KATNAL2: variants seen among roughly 807,000 people sequenced by gnomAD.
KATNAL2 encodes katanin catalytic subunit A1 like 2.
A neutral mutation model predicts 76.3 loss-of-function variants in KATNAL2; 52 were observed. The observed-to-expected ratio is 0.68, with a 90% CI of 0.55 to 0.86. The LOEUF is 0.86. Among genes scored for constraint, KATNAL2 ranks in the 40% least tolerant of loss-of-function variants. The pLI, the probability that KATNAL2 is intolerant of heterozygous loss-of-function variation, is 0.00. For missense variants in KATNAL2, 660 were observed against 668.9 expected (o/e 0.99, Z 0.15); for synonymous variants, 243 against 244.2 (o/e 1.00, Z 0.05).
Position 47,069,275 on chromosome 18 carries a change from G to A in KATNAL2, c.881G>A (p.Gly294Asp), listed in dbSNP as rs1281346497. Reference protein sequence around the residue: ...LSPWKGLLLYGPPGTGKTLLA... With the variant: ...LSPWKGLLLYDPPGTGKTLLA... ...CCCTGGAAAGGACTACTGCTGTACG[G>A]CCCTCCAGGTAAACACAGCTTCCTA... The change falls in exon 12 of 18, where the codon GGC becomes GAC. Residue 294 changes from glycine to aspartate, a missense_variant. Coordinates refer to ENST00000683218, the MANE Select transcript of KATNAL2 (RefSeq NM_001387690.1). 1 of 1,608,986 alleles carries A rather than the reference G, an allele frequency of 6.2e-7. No individual in the cohort carries two copies. The highest frequency in any genetic ancestry group is 2.2e-5 in the East Asian group (1 of 44,852).
At chr18:47,090,874 A>ACC (rs981589796) in intron 15 of KATNAL2, among the ~76,000 whole-genome samples, 7 of 152,156 alleles carry the variant, frequency 4.6e-5, no homozygotes, top group African/African-American at 1.7e-4. Context: ...AAGACAAAGT[A>ACC]CCCTTCAATG....
chr18:46,924,043 C>G (rs139445403), intron 1 of KATNAL2, among the ~76,000 whole-genome samples: 8,756 of 152,188 alleles, frequency 0.058, 301 homozygotes, highest in Non-Finnish European at 0.081. Flanking sequence ...CACTCTGATG[C>G]TAGTTTCTTT....
At chr18:47,090,580 G>A (rs745584049) in intron 15 of KATNAL2, among the ~76,000 whole-genome samples, 2 of 152,158 alleles carry the variant, frequency 1.3e-5, no homozygotes, top group Non-Finnish European at 2.9e-5. Flanking sequence ...AGCACCGTGT[G>A]ATTGGTACAG....
chr18:47,099,094 A>G, intron 15 of KATNAL2, 149 bp from the exon 16 acceptor site: 1 of 651,492 alleles, frequency 1.5e-6, no homozygotes, highest in Non-Finnish European at 2.5e-6. Context: ...AAATAATATT[A>G]ATTGTCCCAT....
At chr18:47,082,368 T>G (rs1285240242) in intron 15 of KATNAL2, among the ~76,000 whole-genome samples, 3 of 152,208 alleles carry the variant, frequency 2.0e-5, no homozygotes, top group African/African-American at 7.2e-5. Context: ...TTGCCATATG[T>G]TTCCTTGGAG....
intron 10 of KATNAL2, among the ~76,000 whole-genome samples, chr18:47,064,140 T>C (rs1209775830): frequency 6.6e-6 from 1 of 151,824 alleles, no homozygotes; most frequent in Non-Finnish European, 1.5e-5. Context: ...GTGTGTCAGG[T>C]GTGTGCTGTG....
chr18:47,035,286 T>C, intron 3 of KATNAL2: 3 of 1,612,056 alleles, frequency 1.9e-6, no homozygotes, highest in Non-Finnish European at 2.5e-6. Flanking sequence ...TGTGCAGGCG[T>C]CGCTGTCCCG....
chr18:46,934,687 C>T (rs1332648965), intron 1 of KATNAL2, among the ~76,000 whole-genome samples: 1 of 152,030 alleles, frequency 6.6e-6, no homozygotes, highest in Non-Finnish European at 1.5e-5. Context: ...CTTTTGTTGC[C>T]ATTGCTTTTG....
chr18:46,947,196 G>A (rs1162785328), intron 3 of KATNAL2, among the ~76,000 whole-genome samples: 1 of 152,172 alleles, frequency 6.6e-6, no homozygotes, highest in Non-Finnish European at 1.5e-5. Flanking sequence ...AGGAAATGAG[G>A]TATTGACGGG....
At chr18:47,054,375 C>T (rs1028755404) in intron 5 of KATNAL2, 21 bp from the exon 6 acceptor site, 8 of 1,604,660 alleles carry the variant, frequency 5.0e-6, no homozygotes, top group Admixed American at 1.7e-5. Context: ...TCTTTCCCTC[C>T]CAATGTCTGT....
chr18:46,942,801 ATTGGTCACATTATTCTGC>A (rs1464981302), intron 1 of KATNAL2, among the ~76,000 whole-genome samples: 1 of 150,520 alleles, frequency 6.6e-6, no homozygotes, highest in African/African-American at 2.4e-5. Flanking sequence ...TCTCCTGTTC[ATTGGTCACATTATTCTGC>A]TTTTGTAATT....
intron 3 of KATNAL2, among the ~76,000 whole-genome samples, chr18:46,962,095 T>C (rs1323262532): frequency 6.6e-6 from 1 of 152,142 alleles, no homozygotes; most frequent in Non-Finnish European, 1.5e-5. Flanking sequence ...TTCAGCCACT[T>C]GAGCAAATAG....
intron 11 of KATNAL2, among the ~76,000 whole-genome samples, chr18:47,067,427 A>G (rs1470145808): frequency 6.6e-6 from 1 of 152,102 alleles, no homozygotes; most frequent in Admixed American, 6.5e-5. Flanking sequence ...AAATATTCTT[A>G]TTGTTGTAGA....
At chr18:46,942,781 G>T (rs1397494310) in intron 1 of KATNAL2, among the ~76,000 whole-genome samples, 1 of 150,692 alleles carries the variant, frequency 6.6e-6, no homozygotes. Context: ...TGATTCTAAT[G>T]ATTTATTTTT....
At chr18:46,961,923 T>A (rs1208723635) in intron 3 of KATNAL2, among the ~76,000 whole-genome samples, 1 of 152,228 alleles carries the variant, frequency 6.6e-6, no homozygotes, top group African/African-American at 2.4e-5. Context: ...CTACTAAGAA[T>A]ATAAGTTTTT....
intron 3 of KATNAL2, among the ~76,000 whole-genome samples, chr18:47,040,763 G>C (rs1264506569): frequency 1.3e-5 from 2 of 152,036 alleles, no homozygotes; most frequent in Non-Finnish European, 2.9e-5. Flanking sequence ...TGAGATCCCT[G>C]TCTCTAAACA....
At chr18:47,041,566 G>T (rs372569027) in intron 3 of KATNAL2, among the ~76,000 whole-genome samples, 252 of 152,150 alleles carry the variant, frequency 1.7e-3, no homozygotes, top group African/African-American at 5.7e-3. Flanking sequence ...ATATTCCATT[G>T]TCTGAGTATA....
chr18:46,955,448 T>A (rs1252245190), intron 3 of KATNAL2, among the ~76,000 whole-genome samples: 1 of 151,888 alleles, frequency 6.6e-6, no homozygotes, highest in Non-Finnish European at 1.5e-5. Context: ...GGTCTTGAAC[T>A]CCTGACCTCA....
At position 46,920,107 on chromosome 18, in the gene KATNAL2, T is replaced by C. The variant is rs961234528; in HGVS notation, c.-510+2181T>C. The C allele has an allele frequency of 1.1e-5, 14 of 1,289,310 alleles. No homozygotes were observed. In the South Asian group the frequency reaches 1.4e-4, roughly 13 times the overall value. 79.9% of individuals were successfully genotyped at this position (1,289,310 alleles called of 1,614,324 possible). ...TCCCAGCATTCATTCTGCCCCTTCC[T>C]CAATGTGTAGCAGCTCCTGGATGGG... On this transcript the variant is annotated intron_variant, in intron 1 of 17. Coordinates refer to ENST00000683218, the MANE Select transcript of KATNAL2 (RefSeq NM_001387690.1).
Sources: allele counts gnomAD v4.1 joint callset (sites outside exome capture counted in the v4.1 genomes callset), GRCh38; gene constraint gnomAD v4.1.1; transcripts MANE v1.5; gene names NCBI Gene and HGNC (gene_info 2026-07-23, HGNC 2026-07-21).